Variants in EAF2 observed in about 807,000 individuals in gnomAD.
EAF2 encodes the protein ELL associated factor 2, also known as ELL-associated factor 2.
In EAF2, 29 loss-of-function variants were observed where a neutral mutation model predicts 29.4. That is an observed-to-expected ratio of 0.99 (90% CI 0.73 to 1.35). The LOEUF (loss-of-function observed/expected upper bound fraction) is 1.35. Ranked by LOEUF, EAF2 falls within the 40% of genes most tolerant of loss-of-function variation. EAF2 has a pLI of 0.00. For synonymous variants in EAF2, 103 were observed against 102.5 expected (o/e 1.00, Z -0.03); for missense variants, 292 against 312.0 (o/e 0.94, Z 0.48).
intron 4 of EAF2, among the ~76,000 whole-genome samples, chr3:121,857,361 A>G (rs957475804): frequency 1.6e-4 from 25 of 152,148 alleles, no homozygotes; most frequent in Admixed American, 1.6e-3. Flanking sequence ...GCATGATGGC[A>G]TGTGCCTGTG....
intron 2 of EAF2, among the ~76,000 whole-genome samples, chr3:121,847,594 T>C (rs1052842442): frequency 2.6e-5 from 4 of 152,120 alleles, no homozygotes; most frequent in Admixed American, 2.6e-4. Context: ...TATTATATAA[T>C]ATAAATTAAT....
At chr3:121,862,302 A>G (rs943532728) in intron 4 of EAF2, among the ~76,000 whole-genome samples, 5 of 152,194 alleles carry the variant, frequency 3.3e-5, no homozygotes, top group Admixed American at 1.3e-4. Flanking sequence ...TCACTTTCAG[A>G]TACACCAATC....
chr3:121,854,387 T>C (rs1559821358), intron 2 of EAF2, among the ~76,000 whole-genome samples: 1 of 151,246 alleles, frequency 6.6e-6, no homozygotes, highest in Admixed American at 6.6e-5. Context: ...ATAAAATATA[T>C]TGGTTGTGTT....
At chr3:121,836,976 A>G (rs181498796) in intron 1 of EAF2, among the ~76,000 whole-genome samples, 8 of 152,334 alleles carry the variant, frequency 5.3e-5, no homozygotes, top group African/African-American at 1.2e-4. Flanking sequence ...ACAGCCTTTC[A>G]TTTATAAAGG....
chr3:121,853,634 C>T (rs1056922883), intron 2 of EAF2, among the ~76,000 whole-genome samples: 4 of 152,158 alleles, frequency 2.6e-5, no homozygotes, highest in African/African-American at 4.8e-5. Flanking sequence ...TTGGAAAAAC[C>T]GTACTATCTG....
At chr3:121,877,016 A>G (rs1283009637) in intron 5 of EAF2, among the ~76,000 whole-genome samples, 1 of 151,956 alleles carries the variant, frequency 6.6e-6, no homozygotes, top group East Asian at 1.9e-4. Flanking sequence ...AAGAGATAGA[A>G]AAAAAGATGC....
chr3:121,854,792 C>G lies in EAF2; in HGVS notation c.307C>G (p.Leu103Val). The part of the protein sequence containing the change: ...HDTGECRLEK[L>V]SSNITVKKTR... ...TACTGGAGAATGTCGGCTAGAAAAA[C>G]TCAGCAGCAACATCACTGTAAAAAA... Residue 103 changes from leucine to valine, a missense_variant, in exon 3 of 6, where the codon CTC becomes GTC. Transcript: ENST00000273668. 1 of 1,573,086 alleles carries G rather than the reference C, an allele frequency of 6.4e-7. No homozygotes were observed. The highest frequency in any genetic ancestry group is 8.6e-7 in the Non-Finnish European group (1 of 1,169,382).
chr3:121,850,719 C>T (rs1052043386), intron 2 of EAF2, among the ~76,000 whole-genome samples: 2 of 152,048 alleles, frequency 1.3e-5, no homozygotes, highest in Non-Finnish European at 2.9e-5. Context: ...TTTTTTGAGA[C>T]GGAGTCTCAC....
rs746294937 is a variant in EAF2, at chr3:121,857,149, C to T, written c.477C>T (p.Ile159=). Residue 159 remains isoleucine (I), a synonymous_variant, in exon 4 of 6, where the codon ATC becomes ATT. Coordinates refer to ENST00000273668, the MANE Select transcript of EAF2 (RefSeq NM_018456.6). ...KMSPASPIDD[I]ERELKAEASL... is the part of the protein sequence containing the mutation. Reference sequence around the variant, plus strand: ...CCCCAGCATCTCCAATAGATGATATCGAAAGAGGTAAAATCTAAGTATATG... The same window carrying T: ...CCCCAGCATCTCCAATAGATGATATTGAAAGAGGTAAAATCTAAGTATATG... 4.4e-6 allele frequency: 7 copies of T among 1,608,030 alleles called. No individual in the cohort carries two copies. In the South Asian group the frequency reaches 4.5e-5, roughly 10 times the overall value.
chr3:121,866,199 GCACCAGCAGGGAT>G (rs1466865208), intron 4 of EAF2, among the ~76,000 whole-genome samples: 4 of 152,054 alleles, frequency 2.6e-5, no homozygotes, highest in Non-Finnish European at 5.9e-5. Context: ...CCTTCACGTG[GCACCAGCAGGGAT>G]CATCGGGGAC....
At chr3:121,847,422 A>G (rs999920503) in intron 2 of EAF2, among the ~76,000 whole-genome samples, 3 of 152,212 alleles carry the variant, frequency 2.0e-5, no homozygotes, top group Non-Finnish European at 4.4e-5. Context: ...AGATACAACA[A>G]CAAAAGAAAG....
At chr3:121,840,499 A>G (rs1708394889) in intron 1 of EAF2, among the ~76,000 whole-genome samples, 1 of 75,952 alleles carries the variant, frequency 1.3e-5, no homozygotes, top group Admixed American at 1.1e-4. Flanking sequence ...AAAAAAAAAA[A>G]AAAAAAAAAG....
intron 4 of EAF2, among the ~76,000 whole-genome samples, chr3:121,869,697 A>G (rs982355990): frequency 2.0e-5 from 3 of 151,810 alleles, no homozygotes; most frequent in Admixed American, 2.0e-4. Flanking sequence ...GGCAATACAG[A>G]GTCTCTACAA....
chr3:121,852,229 TA>T (rs1708647010), intron 2 of EAF2, among the ~76,000 whole-genome samples: 1 of 152,248 alleles, frequency 6.6e-6, no homozygotes. Flanking sequence ...TTTTTAGATG[TA>T]TTCCATTCTA....
At chr3:121,843,690 T>C (rs371621285) in intron 1 of EAF2, among the ~76,000 whole-genome samples, 2 of 152,140 alleles carry the variant, frequency 1.3e-5, no homozygotes, top group African/African-American at 2.4e-5. Context: ...TTGTTTAACA[T>C]GTGAAATATC....
At chr3:121,836,526 T>A (rs990502060) in intron 1 of EAF2, 1 of 613,710 alleles carries the variant, frequency 1.6e-6, no homozygotes, top group Admixed American at 6.3e-5. Context: ...ACTAAAAGGG[T>A]TTTTTTAAAG....
At chr3:121,869,891 AAGAAG>A (rs1708983086) in intron 4 of EAF2, among the ~76,000 whole-genome samples, 1 of 152,108 alleles carries the variant, frequency 6.6e-6, no homozygotes, top group South Asian at 2.1e-4. Flanking sequence ...CCTATCTAAA[AAGAAG>A]AGAAAAGAAA....
intron 5 of EAF2, among the ~76,000 whole-genome samples, chr3:121,881,843 G>A (rs1709195713): frequency 6.6e-6 from 1 of 152,022 alleles, no homozygotes; most frequent in South Asian, 2.1e-4. Context: ...ATTTATTCCA[G>A]TAAATTTGAC....
chr3:121,866,845 A>C (rs1204738442), intron 4 of EAF2, among the ~76,000 whole-genome samples: 5 of 152,226 alleles, frequency 3.3e-5, no homozygotes. Context: ...CACCAACACG[A>C]GGATGAATCA....
Sources: allele counts gnomAD v4.1 joint callset (sites outside exome capture counted in the v4.1 genomes callset), GRCh38; gene constraint gnomAD v4.1.1; transcripts MANE v1.5; gene names NCBI Gene and HGNC (gene_info 2026-07-23, HGNC 2026-07-21).